The following TGFB1 variants were observed in gnomAD, a reference collection of about 807,000 sequenced individuals.
TGFB1 encodes transforming growth factor beta 1, also known as transforming growth factor beta-1 proprotein.
Under a neutral mutation model 43.8 loss-of-function variants are expected in TGFB1, and 19 were observed. The observed-to-expected ratio is 0.43, with a 90% CI of 0.30 to 0.64. The LOEUF (loss-of-function observed/expected upper bound fraction) is 0.64. Ranked by LOEUF, TGFB1 falls within the 30% of genes least tolerant of loss-of-function variation. The probability of loss-of-function intolerance (pLI) is 0.11; values close to 1 mark genes in which losing one functional copy is unlikely to be tolerated. For synonymous variants in TGFB1, 221 were observed against 236.3 expected (o/e 0.94, Z 0.60); for missense variants, 445 against 529.8 (o/e 0.84, Z 1.57).
intron 5 of TGFB1, among the ~76,000 whole-genome samples, chr19:41,332,552 C>T (rs528656143): frequency 6.6e-6 from 1 of 152,338 alleles, no homozygotes; most frequent in South Asian, 2.1e-4. Flanking sequence ...GATGACCATC[C>T]ACGGGGGGGC....
chr19:41,342,934 A>C (rs1270856755), intron 3 of TGFB1, among the ~76,000 whole-genome samples: 2 of 152,046 alleles, frequency 1.3e-5, no homozygotes, highest in Non-Finnish European at 2.9e-5. Flanking sequence ...GGCATGAGCC[A>C]CTGCACCCAG....
intron 3 of TGFB1, 97 bp downstream of exon 3, chr19:41,344,650 A>T (rs1417654850): frequency 9.1e-7 from 1 of 1,097,250 alleles, no homozygotes; most frequent in Admixed American, 1.8e-5. Flanking sequence ...TCACACCAGT[A>T]TGGGGCGGAG....
Position 41,353,203 on chromosome 19 carries a change from G to T in TGFB1, c.-159C>A. The T allele has an allele frequency of 1.1e-6, 1 of 924,712 alleles. No homozygotes were observed. The highest frequency in any genetic ancestry group is 1.5e-6 in the Non-Finnish European group (1 of 647,542). 57.3% of individuals were successfully genotyped at this position (924,712 alleles called of 1,614,324 possible). On this transcript the variant is annotated 5_prime_UTR_variant, in exon 1 of 7. Transcript: ENST00000221930. The surrounding 1 kb of genome is among the most constrained non-coding windows in gnomAD (Gnocchi z 5.9). ...GGGAGAAGGGCGCAGTGGTGGAGGG[G>T]AGGCTTGGACCGGGGGTGTCTCAGT...
intron 1 of TGFB1, among the ~76,000 whole-genome samples, chr19:41,350,012 A>C (rs2038165101): frequency 6.6e-6 from 1 of 150,668 alleles, no homozygotes. Context: ...ACAGGGTCTC[A>C]CTCTGTCCCC....
At position 41,333,790 on chromosome 19, in the gene TGFB1, C is replaced by A. The variant is rs944145019; in HGVS notation, c.861-1509G>T. Among the ~76,000 whole-genome samples the A allele has an allele frequency of 2.0e-5, 3 of 152,176 alleles. No homozygotes were observed. In the East Asian group the frequency reaches 5.8e-4, roughly 29 times the overall value. ...ACTGAACATCACCTCCTCAGAGATACCTTTCTGAGCCATCCTTTCCAAAAT... is the reference window on the plus strand; with the variant it reads ...ACTGAACATCACCTCCTCAGAGATAACTTTCTGAGCCATCCTTTCCAAAAT... On this transcript the variant is annotated intron_variant, in intron 5 of 6. Transcript: ENST00000221930.
In TGFB1 at chr19:41,330,723, GT is replaced by G. The variant is rs2037919290; in HGVS notation, c.*328del. ...TTCATTAATGTAAGGCACTTCAACA[GT>G]GCCCAAGGTGCTCAATAAATAGATC... On this transcript the variant is annotated 3_prime_UTR_variant, in exon 7 of 7. Coordinates refer to ENST00000221930, the MANE Select transcript of TGFB1 (RefSeq NM_000660.7). The G allele has an allele frequency of 3.6e-6, 1 of 279,138 alleles. No homozygotes were observed. Among genetic ancestry groups the G allele is most frequent in the South Asian group, 6.2e-5 (1 of 16,062 alleles). The allele number at this position is 279,138 out of a possible 1,614,324, so 17.3% of individuals were successfully genotyped here. A position where few individuals can be genotyped will look rare whatever the true frequency, so the allele number is the denominator to read the frequency against.
chr19:41,332,374 T>C, intron 5 of TGFB1, 93 bp from the exon 6 acceptor site: 1 of 1,488,896 alleles, frequency 6.7e-7, no homozygotes, highest in Non-Finnish European at 9.1e-7. Flanking sequence ...TCACCCTAGG[T>C]TGCCCCCCCA....
At chr19:41,331,432 T>C (rs763426225) in intron 6 of TGFB1, among the ~76,000 whole-genome samples, 53 of 152,130 alleles carry the variant, frequency 3.5e-4, no homozygotes, top group Non-Finnish European at 7.1e-4. Flanking sequence ...AGACTGGGTC[T>C]CGCTCTGCCA....
chr19:41,342,247 C>T lies in TGFB1; in HGVS notation c.635G>A (p.Gly212Glu), dbSNP rs1376906638. 6.3e-7 allele frequency: 1 copy of T among 1,594,398 alleles called. No homozygotes were observed. Among genetic ancestry groups the T allele is most frequent in the Non-Finnish European group, 8.5e-7 (1 of 1,171,022 alleles). Residue 212 changes from glycine (G) to glutamate (E), a missense_variant and splice_region_variant, in exon 4 of 7, where the codon GGG becomes GAG. Gly to Glu is a moderately conservative substitution (Grantham distance 98). This residue lies in a region of TGFB1 where 366 missense variants were observed against 428.8 expected (regional missense o/e 0.85). Coordinates refer to ENST00000221930, the MANE Select transcript of TGFB1 (RefSeq NM_000660.7). ...GCTAAGGCGAAAGCCCTCAATTTCC[C>T]CTGTAGGAGTGGCGAGAGGGAAGCC... ...GVVRQWLSRG[G>E]EIEGFRLSAH...
Position 41,353,488 on chromosome 19 carries a change from T to A in TGFB1, c.-444A>T, listed in dbSNP as rs202033907. 4 of 158,468 alleles carry A rather than the reference T, an allele frequency of 2.5e-5. No homozygotes were observed. The highest frequency in any genetic ancestry group is 5.5e-5 in the Non-Finnish European group (4 of 72,660). 9.8% of individuals were successfully genotyped at this position (158,468 alleles called of 1,614,324 possible). ...GAATGGGGGCGCCTGAGGGACGCCG[T>A]GTAGGGGGCAGGGAGGGAGCAAGCG... On this transcript the variant is annotated 5_prime_UTR_variant, in exon 1 of 7. Transcript: ENST00000221930. The surrounding 1 kb of genome is among the most constrained non-coding windows in gnomAD (Gnocchi z 5.9).
intron 5 of TGFB1, among the ~76,000 whole-genome samples, chr19:41,341,146 A>C (rs1053405552): frequency 6.6e-6 from 1 of 151,938 alleles, no homozygotes; most frequent in African/African-American, 2.4e-5. Context: ...CCTGGCTAAC[A>C]TGGTGAAACC....
chr19:41,339,668 C>T (rs190797286), intron 5 of TGFB1, among the ~76,000 whole-genome samples: 2 of 151,448 alleles, frequency 1.3e-5, no homozygotes, highest in Non-Finnish European at 2.9e-5. Context: ...ACTAAAAAAA[C>T]CAAAAATTAG....
At chr19:41,348,526 T>C (rs1206926792) in intron 1 of TGFB1, 71 bp from the exon 2 acceptor site, 1 of 1,562,254 alleles carries the variant, frequency 6.4e-7, no homozygotes, top group Non-Finnish European at 8.8e-7. Context: ...CTCCCAACTC[T>C]AGGAGTTTTG....
At chr19:41,350,307 C>CTTTTTT (rs55873066) in intron 1 of TGFB1, among the ~76,000 whole-genome samples, 11 of 119,700 alleles carry the variant, frequency 9.2e-5, no homozygotes, top group East Asian at 2.2e-4. Flanking sequence ...GTTTTCTTTT[C>CTTTTTT]TTTTTTTTTT....
rs572779650 is a variant in TGFB1, at chr19:41,351,718, C to A, written c.355+972G>T. On this transcript the variant is annotated intron_variant, in intron 1 of 6. Coordinates refer to ENST00000221930, the MANE Select transcript of TGFB1 (RefSeq NM_000660.7). ...CACTCCTCCCAGCTTGGTTTTCTCA[C>A]CTCGGTCTTGTAGAGTCACCCCCCA... 5.5e-4 allele frequency among the ~76,000 whole-genome samples: 83 copies of A among 152,242 alleles called. 2 individuals carry two copies. The highest frequency in any genetic ancestry group is 1.9e-3 in the African/African-American group (80 of 41,546).
intron 1 of TGFB1, among the ~76,000 whole-genome samples, chr19:41,350,094 C>T (rs2038166706): frequency 6.6e-6 from 1 of 152,040 alleles, no homozygotes; most frequent in South Asian, 2.1e-4. Context: ...GATCCTCACG[C>T]CTCAGCCTCC....
intron 6 of TGFB1, 93 bp from the exon 7 acceptor site, chr19:41,331,303 C>T: frequency 1.4e-6 from 2 of 1,394,306 alleles, no homozygotes; most frequent in Non-Finnish European, 1.9e-6. Flanking sequence ...CCGCGCCAGC[C>T]TCTCTCACTT....
chr19:41,353,178 G>A lies in TGFB1; in HGVS notation c.-134C>T. 1 of 1,169,320 alleles carries A rather than the reference G, an allele frequency of 8.6e-7. No individual in the cohort carries two copies. Among genetic ancestry groups the A allele is most frequent in the Non-Finnish European group, 1.2e-6 (1 of 869,106 alleles). 72.4% of individuals were successfully genotyped at this position (1,169,320 alleles called of 1,614,324 possible). On this transcript the variant is annotated 5_prime_UTR_variant, in exon 1 of 7. Transcript: ENST00000221930. The surrounding 1 kb of genome is among the most constrained non-coding windows in gnomAD (Gnocchi z 5.9). ...CCTCGAGGGAAAGCTGAGGTCCTCAGGGAGAAGGGCGCAGTGGTGGAGGGG... is the reference window on the plus strand; with the variant it reads ...CCTCGAGGGAAAGCTGAGGTCCTCAAGGAGAAGGGCGCAGTGGTGGAGGGG...
At chr19:41,349,585 C>A (rs1354484665) in intron 1 of TGFB1, among the ~76,000 whole-genome samples, 1 of 152,110 alleles carries the variant, frequency 6.6e-6, no homozygotes, top group Non-Finnish European at 1.5e-5. Flanking sequence ...GGTGAAACCC[C>A]GTTTCTACTA....
Sources: gnomAD v4.1 joint callset for allele counts (sites outside exome capture counted in the v4.1 genomes callset) on GRCh38, gnomAD v4.1.1 for gene constraint, gnomAD v4.1.1 regional missense constraint, Gnocchi (gnomAD v3.1) non-coding constraint, MANE v1.5 for transcripts, NCBI Gene and HGNC (gene_info 2026-07-23, HGNC 2026-07-21) for gene names.